NT5DC3: variants seen among roughly 807,000 people sequenced by gnomAD.
NT5DC3 encodes the protein 5'-nucleotidase domain-containing protein 3.
In NT5DC3, 42 loss-of-function variants were observed where a neutral mutation model predicts 67.8. The observed-to-expected ratio is 0.62, with a 90% CI of 0.48 to 0.80. NT5DC3 has a LOEUF of 0.80. Ranked by LOEUF, NT5DC3 falls within the 30% of genes least tolerant of loss-of-function variation. The pLI is 0.00. For synonymous variants in NT5DC3, 237 were observed against 255.6 expected (o/e 0.93, Z 0.69); for missense variants, 570 against 696.4 (o/e 0.82, Z 2.04).
the NT5DC3 span, chr12:103,762,383 T>C: frequency 3.7e-6 from 6 of 1,614,094 alleles, no homozygotes; most frequent in Non-Finnish European, 5.1e-6. Flanking sequence ...CGGAGAACAA[T>C]CGGCTTCCAG....
intron 1 of NT5DC3, among the ~76,000 whole-genome samples, chr12:103,835,246 C>T (rs1019148434): frequency 2.6e-5 from 4 of 152,156 alleles, no homozygotes; most frequent in Admixed American, 2.6e-4. Context: ...CATAAATTCA[C>T]ACAGACTTCA....
At chr12:103,766,877 A>G (rs1475422296), downstream of NT5DC3, 1 of 155,028 alleles carries the variant, frequency 6.5e-6, no homozygotes, top group African/African-American at 2.4e-5. Context: ...AGACATGATA[A>G]TCATAATGAG....
At chr12:103,811,506 C>T (rs747294695) in intron 2 of NT5DC3, among the ~76,000 whole-genome samples, 8 of 152,180 alleles carry the variant, frequency 5.3e-5, no homozygotes, top group East Asian at 3.9e-4. Context: ...ATAAGGAAAA[C>T]GCACATAGCA....
At chr12:103,803,034 GGTAA>G (rs1325739623) in intron 4 of NT5DC3, among the ~76,000 whole-genome samples, 2 of 152,070 alleles carry the variant, frequency 1.3e-5, no homozygotes, top group African/African-American at 4.8e-5. Flanking sequence ...GGAGAGAAGG[GGTAA>G]GTGTCTATGG....
At chr12:103,762,441 T>C in the NT5DC3 span, 1 of 1,613,770 alleles carries the variant, frequency 6.2e-7, no homozygotes, top group Non-Finnish European at 8.5e-7. Flanking sequence ...TGGGGTCCTC[T>C]CCAAAAACCC....
chr12:103,797,149 C>T, intron 5 of NT5DC3, 118 bp from the exon 6 acceptor site: 2 of 1,074,876 alleles, frequency 1.9e-6, no homozygotes, highest in South Asian at 1.5e-5. Context: ...CCATCATCAA[C>T]ACAAAAAAGG....
In NT5DC3 at chr12:103,797,335, G is replaced by A. The variant is rs142276760; in HGVS notation, c.616-304C>T. ...AAAATACAAAAATTTGCTGGGCATG[G>A]TGGTGGGTGCCTGAATCCCAGCTAC... On this transcript the variant is annotated intron_variant, in intron 5 of 13. Coordinates refer to ENST00000392876, the MANE Select transcript of NT5DC3 (RefSeq NM_001031701.3). 2.0e-3 allele frequency among the ~76,000 whole-genome samples: 300 copies of A among 152,102 alleles called. 2 individuals are homozygous for A. The Middle Eastern group carries it at 0.037, about 19-fold the overall frequency.
the NT5DC3 span, among the ~76,000 whole-genome samples, chr12:103,749,830 ACT>A: frequency 2.6e-5 from 3 of 117,228 alleles, no homozygotes; most frequent in East Asian, 8.1e-4. Flanking sequence ...ACAGAGCAAG[ACT>A]CTGTCTCACA....
chr12:103,797,145 T>A (rs1886354943), intron 5 of NT5DC3, 114 bp from the exon 6 acceptor site: 10 of 1,122,270 alleles, frequency 8.9e-6, no homozygotes, highest in South Asian at 4.3e-5. Context: ...GATCCCATCA[T>A]CAACACAAAA....
At chr12:103,830,096 A>G (rs1380326348) in intron 1 of NT5DC3, among the ~76,000 whole-genome samples, 1 of 152,232 alleles carries the variant, frequency 6.6e-6, no homozygotes, top group Non-Finnish European at 1.5e-5. Flanking sequence ...TTACTACGCA[A>G]TAGGCGCTAT....
At chr12:103,826,530 T>C (rs1887703496) in intron 1 of NT5DC3, among the ~76,000 whole-genome samples, 1 of 152,194 alleles carries the variant, frequency 6.6e-6, no homozygotes, top group Non-Finnish European at 1.5e-5. Context: ...GGGGAGCCTC[T>C]AGAAACTGAA....
intron 1 of NT5DC3, among the ~76,000 whole-genome samples, chr12:103,826,207 CTATTCTCATAGTAAGA>C (rs1887688415): frequency 6.6e-6 from 1 of 152,194 alleles, no homozygotes; most frequent in Non-Finnish European, 1.5e-5. Context: ...GAGATCAAAA[CTATTCTCATAGTAAGA>C]TGTGGCAGAC....
the NT5DC3 span, chr12:103,746,379 G>A: frequency 2.3e-6 from 1 of 437,724 alleles, no homozygotes; most frequent in East Asian, 3.8e-5. Flanking sequence ...AAATCTCAAT[G>A]ACATTGCAGA....
the NT5DC3 span, chr12:103,758,291 T>G: frequency 6.2e-7 from 1 of 1,613,142 alleles, no homozygotes; most frequent in Non-Finnish European, 8.5e-7. Flanking sequence ...GAGAATGAGG[T>G]GAGTTGAGTC....
chr12:103,826,048 T>G (rs1471366763), intron 1 of NT5DC3, among the ~76,000 whole-genome samples: 1 of 152,176 alleles, frequency 6.6e-6, no homozygotes, highest in Non-Finnish European at 1.5e-5. Flanking sequence ...GGTCAAATGT[T>G]TGGCACAGTG....
chr12:103,756,804 A>G, the NT5DC3 span, among the ~76,000 whole-genome samples: 39 of 152,002 alleles, frequency 2.6e-4, 1 homozygote, highest in Non-Finnish European at 1.3e-4. Context: ...CCACAGACCA[A>G]AGATATCCAT....
chr12:103,771,888 G>A (rs7977459), downstream of NT5DC3, among the ~76,000 whole-genome samples: 484 of 152,238 alleles, frequency 3.2e-3, 4 homozygotes, highest in African/African-American at 0.011. Flanking sequence ...CAAGTTTCCA[G>A]AAAATCGCCC....
chr12:103,789,057 A>G, intron 9 of NT5DC3, 138 bp from the exon 10 acceptor site: 2 of 665,130 alleles, frequency 3.0e-6, no homozygotes, highest in South Asian at 1.7e-5. Flanking sequence ...CTCCACCATC[A>G]TATTCCCTGG....
the NT5DC3 span, chr12:103,746,499 A>G: frequency 1.8e-6 from 2 of 1,112,456 alleles, no homozygotes; most frequent in African/African-American, 3.1e-5. Context: ...ACTTATGAAC[A>G]CAGTGGTCGT....
Sources: gnomAD v4.1 joint callset for allele counts (sites outside exome capture counted in the v4.1 genomes callset) on GRCh38, gnomAD v4.1.1 for gene constraint, MANE v1.5 for transcripts, NCBI Gene and HGNC (gene_info 2026-07-23, HGNC 2026-07-21) for gene names.